The following STOX2 variants were observed in gnomAD, a reference collection of about 807,000 sequenced individuals.
STOX2 encodes the protein storkhead box 2.
STOX2 carries 28 observed loss-of-function variants against 60.9 expected under a neutral mutation model. That is an observed-to-expected ratio of 0.46 (90% CI 0.34 to 0.63). STOX2 has a LOEUF of 0.63. Among genes scored for constraint, STOX2 ranks in the 30% least tolerant of loss-of-function variants. The pLI, the probability that STOX2 is intolerant of heterozygous loss-of-function variation, is 0.01. For missense variants in STOX2, 1,024 were observed against 1,187.7 expected, an observed-to-expected ratio of 0.86 and a Z score of 2.03; for synonymous variants, 472 against 463.9, an observed-to-expected ratio of 1.02 and a Z score of -0.22.
intron 1 of STOX2, among the ~76,000 whole-genome samples, chr4:183,878,763 G>C (rs1740886090): frequency 6.6e-6 from 1 of 152,200 alleles, no homozygotes; most frequent in South Asian, 2.1e-4. Flanking sequence ...AGAAACTGCA[G>C]GCTATTTTAA....
At chr4:183,871,032 G>A (rs756513666) in intron 1 of STOX2, among the ~76,000 whole-genome samples, 2 of 152,152 alleles carry the variant, frequency 1.3e-5, no homozygotes, top group African/African-American at 2.4e-5. Context: ...AATTATTTAC[G>A]ACCTTTTTAT....
chr4:183,798,921 T>A, intron 1 of STOX2: 5 of 136,654 alleles, frequency 3.7e-5, no homozygotes, highest in East Asian at 3.8e-4. Context: ...TACTATTACA[T>A]AGTAAATAGT....
chr4:183,804,183 CAT>C (rs1306898235), intron 1 of STOX2, among the ~76,000 whole-genome samples: 4 of 152,132 alleles, frequency 2.6e-5, no homozygotes, highest in African/African-American at 9.6e-5. Context: ...TTATTTTATC[CAT>C]ATACAAATAA....
chr4:183,919,425 G>A (rs1742028316), intron 1 of STOX2, among the ~76,000 whole-genome samples: 1 of 152,152 alleles, frequency 6.6e-6, no homozygotes, highest in Non-Finnish European at 1.5e-5. Flanking sequence ...CAGTCGTGGA[G>A]TCAGGCCCCG....
intron 1 of STOX2, among the ~76,000 whole-genome samples, chr4:183,915,148 A>G (rs528211863): frequency 6.6e-6 from 1 of 152,314 alleles, no homozygotes; most frequent in South Asian, 2.1e-4. Flanking sequence ...CTGAAGATAA[A>G]AGAGAGAGAT....
rs376246664 is a variant in STOX2 at position 183,807,060 on chromosome 4, T to C, written c.364+9005T>C. ...CGATCTCGGCTCACTGCAAGCTCCG[T>C]CTCCCGGGTTCACGCCATTCTCCTG... On this transcript the variant is annotated intron_variant, in intron 1 of 2. Transcript: ENST00000513034. Among the ~76,000 whole-genome samples, 549 of 151,940 alleles carry C rather than the reference T, an allele frequency of 3.6e-3. 4 individuals are homozygous for C. The highest frequency in any genetic ancestry group is 0.016 in the South Asian group (75 of 4,798).
At position 183,880,119 on chromosome 4, in the gene STOX2, C is replaced by T. The variant is rs138660326; in HGVS notation, c.364+82064C>T. Among the ~76,000 whole-genome samples the T allele has an allele frequency of 3.6e-3, 547 of 152,222 alleles. 2 individuals are homozygous for T. Among genetic ancestry groups the T allele is most frequent in the African/African-American group, 0.013 (523 of 41,526 alleles). ...TCAGCTTCCCAAGTAGCTGGGACTACAGGCATGCACCACCATGCCCAGCTA... is the reference window on the plus strand; with the variant it reads ...TCAGCTTCCCAAGTAGCTGGGACTATAGGCATGCACCACCATGCCCAGCTA... On this transcript the variant is annotated intron_variant, in intron 1 of 2. Transcript: ENST00000513034.
chr4:183,813,209 C>T (rs988682862), intron 1 of STOX2, among the ~76,000 whole-genome samples: 4 of 152,052 alleles, frequency 2.6e-5, no homozygotes, highest in African/African-American at 9.7e-5. Context: ...ATGGTGAAAA[C>T]CCGTCTCTAC....
rs1004809778 is a variant in STOX2, at chr4:184,023,098, A to G, written c.*5814A>G. 6.6e-6 allele frequency: 1 copy of G among 152,192 alleles called. No individual in the cohort carries two copies. Among genetic ancestry groups the G allele is most frequent in the African/African-American group, 2.4e-5 (1 of 41,452 alleles). The allele number at this position is 152,192 out of a possible 1,614,324, so 9.4% of individuals were successfully genotyped here. A position where few individuals can be genotyped will look rare whatever the true frequency, so the allele number is the denominator to read the frequency against. On this transcript the variant is annotated 3_prime_UTR_variant, in exon 4 of 4. Coordinates refer to ENST00000308497, the MANE Select transcript of STOX2 (RefSeq NM_020225.3). ...AAGACGTGCAAGTGGGATTTACTGT[A>G]TGTTAGAAAGGAGTTTTGCAGCCAA... is the stretch of plus-strand genomic sequence containing the variant.
At chr4:183,881,500 G>GA (rs1209417399) in intron 1 of STOX2, among the ~76,000 whole-genome samples, 3 of 152,008 alleles carry the variant, frequency 2.0e-5, no homozygotes, top group African/African-American at 7.2e-5. Context: ...AACTCCTTCT[G>GA]AAAAAAAGAA....
At chr4:184,012,798 T>C (rs1734218915) in intron 3 of STOX2, among the ~76,000 whole-genome samples, 1 of 152,240 alleles carries the variant, frequency 6.6e-6, no homozygotes, top group Non-Finnish European at 1.5e-5. Flanking sequence ...ACTAGTCTAC[T>C]AAGTGGCTTT....
chr4:183,807,030 T>C (rs191228926), intron 1 of STOX2, among the ~76,000 whole-genome samples: 9 of 152,082 alleles, frequency 5.9e-5, no homozygotes, highest in South Asian at 2.1e-4. Context: ...TGGAGTGCAG[T>C]GGCGCGATCT....
intron 1 of STOX2, among the ~76,000 whole-genome samples, chr4:183,953,557 A>G (rs1414416913): frequency 7.4e-6 from 1 of 135,714 alleles, no homozygotes; most frequent in African/African-American, 2.9e-5. Context: ...TATGAGGTAT[A>G]CATGATTATT....
chr4:184,016,100 C>T (rs1319741383), intron 3 of STOX2: 13 of 152,152 alleles, frequency 8.5e-5, no homozygotes, highest in Admixed American at 6.5e-4. Flanking sequence ...AAATACTTCA[C>T]GTATAATCCC....
At chr4:183,921,883 A>G (rs1003124599) in intron 1 of STOX2, among the ~76,000 whole-genome samples, 3 of 152,204 alleles carry the variant, frequency 2.0e-5, no homozygotes, top group Admixed American at 2.0e-4. Flanking sequence ...AATATAACAC[A>G]AAGTTGTCAG....
intron 1 of STOX2, chr4:183,853,975 A>G (rs1740228204): frequency 6.6e-6 from 1 of 152,242 alleles, no homozygotes; most frequent in African/African-American, 2.4e-5. Flanking sequence ...CTATAATCTG[A>G]AACAGCAGAT....
At chr4:183,992,938 G>T (rs932851878) in intron 1 of STOX2, among the ~76,000 whole-genome samples, 1 of 152,230 alleles carries the variant, frequency 6.6e-6, no homozygotes. Flanking sequence ...TAGCAAAGGC[G>T]TTAATTACGA....
At chr4:183,960,196 T>C (rs1743371769) in intron 1 of STOX2, 3 of 152,172 alleles carry the variant, frequency 2.0e-5, no homozygotes, top group Admixed American at 1.3e-4. Flanking sequence ...CTAGCCACAA[T>C]GTGATTGGTC....
chr4:183,859,292 C>T (rs2111151700), intron 1 of STOX2, among the ~76,000 whole-genome samples: 1 of 152,318 alleles, frequency 6.6e-6, no homozygotes, highest in Middle Eastern at 3.4e-3. Flanking sequence ...CTCCGAACTC[C>T]AGCTCCTACC....
Sources: gnomAD v4.1 joint callset for allele counts (sites outside exome capture counted in the v4.1 genomes callset) on GRCh38, gnomAD v4.1.1 for gene constraint, MANE v1.5 for transcripts, NCBI Gene and HGNC (gene_info 2026-07-23, HGNC 2026-07-21) for gene names.